The following ALG11 variants were observed in gnomAD, a reference collection of about 807,000 sequenced individuals.
The protein encoded by ALG11 is ALG11 alpha-1,2-mannosyltransferase.
In ALG11, 26 loss-of-function variants were observed where a neutral mutation model predicts 38.8. The observed-to-expected ratio is 0.67, with a 90% CI of 0.49 to 0.93. ALG11 has a LOEUF of 0.93. ALG11 is among the 40% of genes least tolerant of loss of function. ALG11 has a pLI of 0.00. For synonymous variants in ALG11, 199 were observed against 211.6 expected (o/e 0.94, Z 0.52); for missense variants, 535 against 578.8 (o/e 0.92, Z 0.78).
At chr13:52,026,223 G>A (rs992085404) in intron 3 of ALG11, among the ~76,000 whole-genome samples, 3 of 152,196 alleles carry the variant, frequency 2.0e-5, no homozygotes, top group Non-Finnish European at 4.4e-5. Context: ...AGCAGGACCC[G>A]AACAATAGAG....
chr13:52,028,072 A>C (rs540311823), intron 3 of ALG11, among the ~76,000 whole-genome samples: 1 of 152,290 alleles, frequency 6.6e-6, no homozygotes, highest in South Asian at 2.1e-4. Flanking sequence ...CAGCCTGGGC[A>C]ACATAGTGAG....
At chr13:52,019,214 A>ATAT in intron 2 of ALG11, 71 bp downstream of exon 2, 18 of 923,214 alleles carry the variant, frequency 1.9e-5, no homozygotes, top group Non-Finnish European at 2.5e-5. Flanking sequence ...CCAGAAATTC[A>ATAT]TCTTTTTTTT....
rs1954283799 is a variant in ALG11, at chr13:52,030,106, C to T, written c.*1516C>T. The T allele has an allele frequency of 6.2e-7, 1 of 1,614,194 alleles. No individual in the cohort carries two copies. Among genetic ancestry groups the T allele is most frequent in the South Asian group, 1.1e-5 (1 of 91,088 alleles). ...AATCCCTTAGAAAAAGATCTGAGCTCAACCAGGATGCTGAGCCAGCAAGCA... is the reference window on the plus strand; with the variant it reads ...AATCCCTTAGAAAAAGATCTGAGCTTAACCAGGATGCTGAGCCAGCAAGCA... On this transcript the variant is annotated 3_prime_UTR_variant, in exon 4 of 4. Coordinates refer to ENST00000521508, the MANE Select transcript of ALG11 (RefSeq NM_001004127.3).
Position 52,029,445 on chromosome 13 carries a change from T to C in ALG11, c.*855T>C. On this transcript the variant is annotated 3_prime_UTR_variant, in exon 4 of 4. Coordinates refer to ENST00000521508, the MANE Select transcript of ALG11 (RefSeq NM_001004127.3). ...ATGGAAAAGGCCTCTCTCCAAGCCA[T>C]GAGCCTGGAAGAGGCAAAGATGCAC... 6.2e-7 allele frequency: 1 copy of C among 1,614,164 alleles called. No homozygotes were observed. Among genetic ancestry groups the C allele is most frequent in the Non-Finnish European group, 8.5e-7 (1 of 1,180,038 alleles).
chr13:52,014,123 C>T (rs1339965314), intron 1 of ALG11, among the ~76,000 whole-genome samples: 2 of 152,104 alleles, frequency 1.3e-5, no homozygotes, highest in African/African-American at 4.8e-5. Flanking sequence ...AAAATATACT[C>T]CCTTTTCCTA....
Position 52,019,106 on chromosome 13 carries a change from A to G in ALG11, c.238A>G (p.Arg80Gly), listed in dbSNP as rs1183900158. The G allele has an allele frequency of 1.2e-6, 2 of 1,613,960 alleles. No individual in the cohort carries two copies. The highest frequency in any genetic ancestry group is 2.7e-5 in the African/African-American group (2 of 74,912). Residue 80 changes from arginine to glycine, a missense_variant, in exon 2 of 4, where the codon AGA becomes GGA. Arg to Gly is a moderately radical substitution (Grantham distance 125). Coordinates refer to ENST00000521508, the MANE Select transcript of ALG11 (RefSeq NM_001004127.3). ...CTGCAATGCTGGTGGAGGAGGAGAA[A>G]GAGTTTTATGGTGTGCTTTAAGAGC... ...PYCNAGGGGE[R>G]VLWCALRALQ...
intron 1 of ALG11, among the ~76,000 whole-genome samples, chr13:52,018,526 T>C (rs1374149712): frequency 6.6e-6 from 1 of 152,232 alleles, no homozygotes; most frequent in Non-Finnish European, 1.5e-5. Flanking sequence ...AGACATATTT[T>C]TTTTGGCATC....
chr13:52,023,931 A>G, intron 2 of ALG11, 75 bp from the exon 3 acceptor site: 1 of 1,367,704 alleles, frequency 7.3e-7, no homozygotes, highest in East Asian at 2.4e-5. Context: ...AGTAGCTGGG[A>G]TTACAGGTGC....
chr13:52,017,754 G>C (rs997338579), intron 1 of ALG11: 1 of 153,148 alleles, frequency 6.5e-6, no homozygotes, highest in African/African-American at 2.4e-5. Context: ...TGAAAACGAA[G>C]TAATACACTG....
chr13:52,013,219 T>G (rs1406311115), intron 1 of ALG11, among the ~76,000 whole-genome samples: 1 of 152,166 alleles, frequency 6.6e-6, no homozygotes, highest in Non-Finnish European at 1.5e-5. Context: ...GCCTAGTATA[T>G]TCTACCTACC....
chr13:52,022,499 G>T (rs927299646), intron 2 of ALG11: 2 of 152,258 alleles, frequency 1.3e-5, no homozygotes, highest in Non-Finnish European at 1.5e-5. Flanking sequence ...AGGGGCCAGA[G>T]AGGAGCAGTT....
At chr13:52,022,504 G>A (rs1488066091) in intron 2 of ALG11, 1 of 152,242 alleles carries the variant, frequency 6.6e-6, no homozygotes. Flanking sequence ...CCAGAGAGGA[G>A]CAGTTAGATT....
At chr13:52,014,041 T>C (rs1274602006) in intron 1 of ALG11, among the ~76,000 whole-genome samples, 2 of 152,228 alleles carry the variant, frequency 1.3e-5, no homozygotes, top group South Asian at 2.1e-4. Context: ...AAATGTGGTC[T>C]AGCATCAGAG....
rs1234844277 is a variant in ALG11, at chr13:52,032,471, TAATC to T, written c.*3886_*3889del. ...ATAGCTTTTGCACTTTATGCATATA[TAATC>T]AATCCTTTCTAGTTCAGTGAATTGA... On this transcript the variant is annotated 3_prime_UTR_variant, in exon 4 of 4. Transcript: ENST00000521508. 1 of 167,108 alleles carries T rather than the reference TAATC, an allele frequency of 6.0e-6. No homozygotes were observed. Among genetic ancestry groups the T allele is most frequent in the Non-Finnish European group, 1.5e-5 (1 of 68,128 alleles). 10.4% of individuals were successfully genotyped at this position (167,108 alleles called of 1,614,324 possible).
chr13:52,019,435 A>C (rs1954166532), intron 2 of ALG11, among the ~76,000 whole-genome samples: 1 of 151,900 alleles, frequency 6.6e-6, no homozygotes, highest in South Asian at 2.1e-4. Context: ...GTTAGCCAGG[A>C]TGGTCTCGAT....
chr13:52,025,218 T>G (rs915234190), intron 3 of ALG11, among the ~76,000 whole-genome samples: 1 of 152,182 alleles, frequency 6.6e-6, no homozygotes, highest in South Asian at 2.1e-4. Context: ...TTATTGTTAT[T>G]CCCATTTTAT....
intron 1 of ALG11, among the ~76,000 whole-genome samples, chr13:52,012,840 A>G (rs1954090714): frequency 6.6e-6 from 1 of 152,098 alleles, no homozygotes; most frequent in African/African-American, 2.4e-5. Context: ...TCTTTTCGGT[A>G]AAGAAGAAAC....
chr13:52,027,498 A>G (rs949643741), intron 3 of ALG11, among the ~76,000 whole-genome samples: 1 of 152,330 alleles, frequency 6.6e-6, no homozygotes, highest in East Asian at 1.9e-4. Context: ...TTTCTCTCCT[A>G]TACATCCAGG....
intron 1 of ALG11, chr13:52,017,477 G>A (rs1954143816): frequency 6.5e-6 from 1 of 152,834 alleles, no homozygotes; most frequent in Admixed American, 6.5e-5. Context: ...CATGTGTTGT[G>A]GAAGGGACCC....
Sources: allele counts gnomAD v4.1 joint callset (sites outside exome capture counted in the v4.1 genomes callset), GRCh38; gene constraint gnomAD v4.1.1; transcripts MANE v1.5; gene names NCBI Gene and HGNC (gene_info 2026-07-23, HGNC 2026-07-21).